CRIM1: variants seen among roughly 807,000 people sequenced by gnomAD.
The protein encoded by CRIM1 is cysteine rich transmembrane BMP regulator 1.
A neutral mutation model predicts 116.4 loss-of-function variants in CRIM1; 32 were observed. That is an observed-to-expected ratio of 0.27 (90% CI 0.21 to 0.37). CRIM1 has a LOEUF of 0.37. CRIM1 is among the 10% of genes least tolerant of loss of function. CRIM1 has a pLI of 1.00. For missense variants in CRIM1, 1,331 were observed against 1,354.8 expected (o/e 0.98, Z 0.28); for synonymous variants, 590 against 509.2 (o/e 1.16, Z -2.13).
At chr2:36,513,514 G>A (rs376980596) in intron 10 of CRIM1, 42 bp from the exon 11 acceptor site, 1 of 1,532,726 alleles carries the variant, frequency 6.5e-7, no homozygotes, top group Non-Finnish European at 9.0e-7. Context: ...TTTCTCCTGT[G>A]CAGTAGCCAC....
Position 36,499,325 on chromosome 2 carries a change from T to C in CRIM1, c.1479T>C (p.Cys493=). The change falls in exon 8 of 17, where the codon TGT becomes TGC. Residue 493 remains cysteine (C), a synonymous_variant. Transcript: ENST00000280527. Reference sequence around the variant, plus strand: ...GTTTCAAACGCGATCACAATGGTTGTCGGACCTGTCAGTGCATAAACAGTG... The same window carrying C: ...GTTTCAAACGCGATCACAATGGTTGCCGGACCTGTCAGTGCATAAACAGTG... ...INGFKRDHNG[C]RTCQCINTEE... is the part of the protein sequence containing the mutation. The C allele has an allele frequency of 6.2e-7, 1 of 1,614,156 alleles. No homozygotes were observed. The highest frequency in any genetic ancestry group is 8.5e-7 in the Non-Finnish European group (1 of 1,179,996).
intron 12 of CRIM1, among the ~76,000 whole-genome samples, chr2:36,520,834 G>T (rs1201218710): frequency 3.9e-5 from 6 of 152,184 alleles, no homozygotes; most frequent in African/African-American, 1.4e-4. Flanking sequence ...AGAGCTTCTG[G>T]ATCATATGGC....
At chr2:36,469,808 C>G (rs1177328635) in intron 5 of CRIM1, among the ~76,000 whole-genome samples, 1 of 152,074 alleles carries the variant, frequency 6.6e-6, no homozygotes, top group Admixed American at 6.5e-5. Context: ...TATTGAGCAC[C>G]CCTCGTGTTC....
intron 14 of CRIM1, among the ~76,000 whole-genome samples, chr2:36,542,438 C>G (rs1433060362): frequency 6.6e-6 from 1 of 152,152 alleles, no homozygotes; most frequent in Non-Finnish European, 1.5e-5. Context: ...TGGAGTTTCA[C>G]CGGAAATCTA....
chr2:36,522,620 G>A (rs944824025), intron 13 of CRIM1, among the ~76,000 whole-genome samples: 2 of 151,936 alleles, frequency 1.3e-5, no homozygotes, highest in Non-Finnish European at 1.5e-5. Context: ...TGGCCAACAT[G>A]ATGAAACCCC....
At chr2:36,359,974 G>C (rs943358910) in intron 1 of CRIM1, among the ~76,000 whole-genome samples, 8 of 152,212 alleles carry the variant, frequency 5.3e-5, no homozygotes, top group African/African-American at 1.9e-4. Flanking sequence ...CTAGAAGCCA[G>C]AGAAACAAGT....
intron 2 of CRIM1, among the ~76,000 whole-genome samples, chr2:36,429,881 T>C (rs1474279280): frequency 6.6e-6 from 1 of 152,172 alleles, no homozygotes; most frequent in East Asian, 1.9e-4. Context: ...GTTACAAGGG[T>C]GTACCCTGAT....
At position 36,549,913 on chromosome 2, in the gene CRIM1, A is replaced by T. The variant is rs992476420; in HGVS notation, c.*1212A>T. 1 of 152,360 alleles carries T rather than the reference A, an allele frequency of 6.6e-6. No homozygotes were observed. Among genetic ancestry groups the T allele is most frequent in the African/African-American group, 2.4e-5 (1 of 41,404 alleles). The allele number at this position is 152,360 out of a possible 1,614,324, so 9.4% of individuals were successfully genotyped here. A position where few individuals can be genotyped will look rare whatever the true frequency, so the allele number is the denominator to read the frequency against. ...GTTGAATGTATTTTTATGAGATTTT[A>T]ACCAGAACAAAGGCAGATAAACAGG... On this transcript the variant is annotated 3_prime_UTR_variant, in exon 17 of 17. Coordinates refer to ENST00000280527, the MANE Select transcript of CRIM1 (RefSeq NM_016441.3).
chr2:36,420,838 T>G (rs1419928065), intron 2 of CRIM1, among the ~76,000 whole-genome samples: 1 of 152,056 alleles, frequency 6.6e-6, no homozygotes, highest in Non-Finnish European at 1.5e-5. Flanking sequence ...GTTGGTTGAG[T>G]CCAGGTGGCC....
In CRIM1 at chr2:36,356,798, TC is replaced by T. The variant is rs1479038418; in HGVS notation, c.331+181del. ...GCGGCCCTGCGTTCCCTCTCCTTGT[TC>T]CCCCCGACGCTTAGGCAGTCGCGGG... On this transcript the variant is annotated intron_variant, in intron 1 of 16. Coordinates refer to ENST00000280527, the MANE Select transcript of CRIM1 (RefSeq NM_016441.3). This position sits in a 1 kb window ranked among gnomAD's most constrained non-coding sequence, Gnocchi z 4.3. 6.6e-6 allele frequency among the ~76,000 whole-genome samples: 1 copy of T among 152,134 alleles called. No individual in the cohort carries two copies. Among genetic ancestry groups the T allele is most frequent in the Non-Finnish European group, 1.5e-5 (1 of 68,016 alleles).
At chr2:36,518,794 TTAC>T (rs1445708773) in intron 12 of CRIM1, among the ~76,000 whole-genome samples, 1 of 152,206 alleles carries the variant, frequency 6.6e-6, no homozygotes, top group Non-Finnish European at 1.5e-5. Context: ...AGCAGTGACT[TTAC>T]TTACATCACC....
rs1572737424 is a variant in CRIM1 at position 36,441,382 on chromosome 2, C to T, written c.630C>T (p.Cys210=). The change falls in exon 3 of 17, where the codon TGC becomes TGT. Residue 210 remains cysteine, a synonymous_variant. Transcript: ENST00000280527. The part of the protein sequence containing the change: ...PGECCPLPSR[C]VCNPAGCLRK... ...AGTGCTGTCCCTTACCCAGCCGCTG[C>T]GTGTGCAACCCCGCAGGCTGTCTGC... 2 of 1,614,194 alleles carry T rather than the reference C, an allele frequency of 1.2e-6. No individual in the cohort carries two copies. The highest frequency in any genetic ancestry group is 1.7e-6 in the Non-Finnish European group (2 of 1,180,038).
chr2:36,441,354 G>C lies in CRIM1; in HGVS notation c.602G>C (p.Gly201Ala), dbSNP rs1405815055. Residue 201 changes from glycine (G) to alanine (A), a missense_variant, in exon 3 of 17, where the codon GGG becomes GCG. Physicochemically the swap from Gly to Ala is moderately conservative, Grantham distance 60. Transcript: ENST00000280527. The stretch of plus-strand genomic sequence containing the variant: ...CTGATCGAGGGTTATGCTCCTCCTG[G>C]GGAGTGCTGTCCCTTACCCAGCCGC... ...SVLIEGYAPP[G>A]ECCPLPSRCV... is the part of the protein sequence containing the mutation. 3 of 1,614,060 alleles carry C rather than the reference G, an allele frequency of 1.9e-6. No individual in the cohort carries two copies. The highest frequency in any genetic ancestry group is 2.5e-6 in the Non-Finnish European group (3 of 1,180,042).
chr2:36,417,504 C>G (rs1673709753), intron 2 of CRIM1, among the ~76,000 whole-genome samples: 1 of 152,174 alleles, frequency 6.6e-6, no homozygotes, highest in South Asian at 2.1e-4. Context: ...TCTTACCTTT[C>G]TTCCTTATTC....
At chr2:36,488,580 T>C (rs571514526) in intron 7 of CRIM1, among the ~76,000 whole-genome samples, 1 of 152,358 alleles carries the variant, frequency 6.6e-6, no homozygotes, top group Admixed American at 6.5e-5. Flanking sequence ...TTTTGTTTTA[T>C]AAATATTTTG....
chr2:36,415,498 G>A (rs138937788), intron 2 of CRIM1, among the ~76,000 whole-genome samples: 197 of 152,214 alleles, frequency 1.3e-3, no homozygotes, highest in African/African-American at 4.5e-3. Context: ...GAAGGCTTTT[G>A]TTTCTTCCCC....
intron 1 of CRIM1, among the ~76,000 whole-genome samples, chr2:36,383,176 G>T (rs1178830714): frequency 6.6e-6 from 1 of 152,166 alleles, no homozygotes; most frequent in East Asian, 1.9e-4. Context: ...TGTGGAAAAA[G>T]GACTGAGTGA....
intron 2 of CRIM1, among the ~76,000 whole-genome samples, chr2:36,400,431 G>A (rs1056691913): frequency 7.2e-5 from 11 of 152,128 alleles, no homozygotes; most frequent in African/African-American, 2.4e-4. Flanking sequence ...AGGAATAGTA[G>A]CAGGGAAGAG....
chr2:36,534,099 G>C (rs139104835), intron 13 of CRIM1, among the ~76,000 whole-genome samples: 2 of 143,850 alleles, frequency 1.4e-5, no homozygotes, highest in Non-Finnish European at 3.1e-5. Flanking sequence ...GGAAAGGAAG[G>C]AAGGAGGGAG....
Sources: gnomAD v4.1 joint callset for allele counts (sites outside exome capture counted in the v4.1 genomes callset) on GRCh38, gnomAD v4.1.1 for gene constraint, Gnocchi (gnomAD v3.1) non-coding constraint, MANE v1.5 for transcripts, NCBI Gene and HGNC (gene_info 2026-07-23, HGNC 2026-07-21) for gene names.